Variants in BCL2L14 observed in about 807,000 individuals in gnomAD.
BCL2L14 encodes the protein BCL2 like 14.
In BCL2L14, 27 loss-of-function variants were observed where a neutral mutation model predicts 35.3. The ratio of observed to expected loss-of-function variants is 0.76; its 90% CI spans 0.56 to 1.05. The LOEUF is 1.05. Among genes scored for constraint, BCL2L14 ranks in the 50% least tolerant of loss-of-function variants. The pLI, the probability that BCL2L14 is intolerant of heterozygous loss-of-function variation, is 0.00. For synonymous variants in BCL2L14, 139 were observed against 145.9 expected (o/e 0.95, Z 0.34); for missense variants, 377 against 382.6 (o/e 0.99, Z 0.12).
At chr12:12,066,439 C>G (rs1439858399), upstream of BCL2L14, among the ~76,000 whole-genome samples, 2 of 152,194 alleles carry the variant, frequency 1.3e-5, no homozygotes, top group African/African-American at 4.8e-5. Flanking sequence ...CCAACGTTTT[C>G]CTGAGGATGG....
At chr12:12,098,647 C>T (rs1474801466) in intron 5 of BCL2L14, among the ~76,000 whole-genome samples, 1 of 152,156 alleles carries the variant, frequency 6.6e-6, no homozygotes, top group Non-Finnish European at 1.5e-5. Context: ...AGAGTTGTAA[C>T]CTTCATAGTC....
At chr12:12,090,634 A>G (rs1243771971) in intron 3 of BCL2L14, 145 bp from the exon 4 acceptor site, 9 of 567,336 alleles carry the variant, frequency 1.6e-5, no homozygotes, top group Non-Finnish European at 2.4e-5. Flanking sequence ...ACTCTGTCTA[A>G]AAAATAAAAA....
chr12:12,071,450 G>GTATC (rs1948668024), intron 1 of BCL2L14: 1 of 152,168 alleles, frequency 6.6e-6, no homozygotes, highest in Admixed American at 6.5e-5. Flanking sequence ...CTCTGCTTAT[G>GTATC]TATCTGGGGA....
intron 1 of BCL2L14, among the ~76,000 whole-genome samples, chr12:12,075,411 T>TTC (rs778760728): frequency 2.9e-4 from 5 of 17,462 alleles, no homozygotes; most frequent in Non-Finnish European, 7.1e-4. Flanking sequence ...TATGTTTCTA[T>TTC]TCTTTCTTTC....
intron 2 of BCL2L14, among the ~76,000 whole-genome samples, chr12:12,082,181 C>T (rs1948942956): frequency 6.6e-6 from 1 of 152,232 alleles, no homozygotes. Context: ...CAGGAAGTAG[C>T]AGAGCCTGGA....
chr12:12,096,765 T>G (rs2448047), intron 5 of BCL2L14, among the ~76,000 whole-genome samples: 78,198 of 152,078 alleles, frequency 0.51, 20,671 homozygotes, highest in East Asian at 0.65. Context: ...AATTGGAACC[T>G]TTTATGTTGC....
chr12:12,097,987 T>A (rs1949352649), intron 5 of BCL2L14, among the ~76,000 whole-genome samples: 1 of 152,096 alleles, frequency 6.6e-6, no homozygotes, highest in Non-Finnish European at 1.5e-5. Flanking sequence ...ATTTGGAGCA[T>A]GTCAGTGGAA....
At chr12:12,058,516 T>C (rs1035784365) in intron 2 of BCL2L14, among the ~76,000 whole-genome samples, 2 of 152,142 alleles carry the variant, frequency 1.3e-5, no homozygotes, top group Admixed American at 6.6e-5. Context: ...GTTCCTGCCT[T>C]AACTGATGAC....
rs145041635 is a variant in BCL2L14 at position 12,094,816 on chromosome 12, C to T, written c.831C>T (p.Asp277=). 1.3e-5 allele frequency: 21 copies of T among 1,614,170 alleles called. No homozygotes were observed. In the East Asian group the frequency reaches 1.6e-4, roughly 12 times the overall value. The change falls in exon 5 of 6, where the codon GAC becomes GAT. Residue 277 remains aspartate, a synonymous_variant. Transcript: ENST00000308721. ...AQGFKAALVI[D]VTAKLTAIDN... is the part of the protein sequence containing the mutation. Reference sequence around the variant, plus strand: ...GCTTTAAGGCTGCCCTTGTAATAGACGTCACGGCCAAGCTCACAGCTATTG... The same window carrying T: ...GCTTTAAGGCTGCCCTTGTAATAGATGTCACGGCCAAGCTCACAGCTATTG...
In BCL2L14 at chr12:12,090,858, C is replaced by T. The variant is rs1949172826; in HGVS notation, c.678+9C>T. The T allele has an allele frequency of 1.9e-6, 3 of 1,601,618 alleles. No individual in the cohort carries two copies. The African/African-American group carries it at 4.0e-5, about 22-fold the overall frequency. On this transcript the variant is annotated intron_variant, in intron 4 of 5. Coordinates refer to ENST00000308721, the MANE Select transcript of BCL2L14 (RefSeq NM_138723.2). ...ATCAGTTGGAAAGAAAGGTATGGAACACCTTGAACTGATGCGATTGATTTC... is the reference window on the plus strand; with the variant it reads ...ATCAGTTGGAAAGAAAGGTATGGAATACCTTGAACTGATGCGATTGATTTC...
intron 1 of BCL2L14, among the ~76,000 whole-genome samples, chr12:12,051,530 C>T (rs973539038): frequency 6.6e-6 from 1 of 151,760 alleles, no homozygotes; most frequent in Non-Finnish European, 1.5e-5. Context: ...AAGAATCCGC[C>T]CCACACAGCC....
chr12:12,096,760 G>T (rs1203329750), intron 5 of BCL2L14, among the ~76,000 whole-genome samples: 1 of 152,216 alleles, frequency 6.6e-6, no homozygotes, highest in Non-Finnish European at 1.5e-5. Context: ...GGAGAAATTG[G>T]AACCTTTTAT....
intron 2 of BCL2L14, among the ~76,000 whole-genome samples, chr12:12,064,799 C>T (rs952407244): frequency 1.3e-5 from 2 of 152,196 alleles, no homozygotes; most frequent in Admixed American, 6.5e-5. Context: ...TGTGAAATGA[C>T]CTATGTTTAT....
At chr12:12,072,876 G>GTT (rs11331613) in intron 1 of BCL2L14, among the ~76,000 whole-genome samples, 14 of 148,736 alleles carry the variant, frequency 9.4e-5, no homozygotes, top group African/African-American at 3.2e-4. Flanking sequence ...GTGTGGGTGG[G>GTT]TTTTTTTTTT....
intron 2 of BCL2L14, among the ~76,000 whole-genome samples, chr12:12,062,683 A>T (rs1210945189): frequency 1.2e-4 from 19 of 152,196 alleles, no homozygotes; most frequent in Admixed American, 2.0e-4. Context: ...ACTAGATAGG[A>T]AGAGGCCTTT....
intron 2 of BCL2L14, among the ~76,000 whole-genome samples, chr12:12,064,444 G>T (rs535357642): frequency 1.3e-4 from 19 of 151,442 alleles, no homozygotes; most frequent in Non-Finnish European, 2.5e-4. Context: ...TAACTCTTTT[G>T]TATCTCAGTT....
intron 4 of BCL2L14, among the ~76,000 whole-genome samples, 183 bp downstream of exon 4, chr12:12,091,032 C>T (rs1466173918): frequency 1.3e-5 from 2 of 152,182 alleles, no homozygotes; most frequent in Non-Finnish European, 2.9e-5. Context: ...AAATGAGTCA[C>T]TTTGGAAAAC....
At chr12:12,081,653 G>A (rs1948927864) in intron 2 of BCL2L14, among the ~76,000 whole-genome samples, 1 of 151,666 alleles carries the variant, frequency 6.6e-6, no homozygotes, top group South Asian at 2.1e-4. Context: ...CCGCCTCCCA[G>A]GTTCAAGCAA....
intron 2 of BCL2L14, chr12:12,051,988 G>A (rs1188141363): frequency 6.6e-6 from 1 of 152,266 alleles, no homozygotes. Context: ...ACAATCAGAT[G>A]TGAGAAGGAC....
Sources: allele counts gnomAD v4.1 joint callset (sites outside exome capture counted in the v4.1 genomes callset), GRCh38; gene constraint gnomAD v4.1.1; transcripts MANE v1.5; gene names NCBI Gene and HGNC (gene_info 2026-07-23, HGNC 2026-07-21).